The following IPO11 variants were observed in gnomAD, a reference collection of about 807,000 sequenced individuals.
The protein encoded by IPO11 is importin-11.
IPO11 carries 66 observed loss-of-function variants against 143.2 expected under a neutral mutation model. The observed-to-expected ratio is 0.46, with a 90% CI of 0.38 to 0.57. The LOEUF (loss-of-function observed/expected upper bound fraction) is 0.57, where lower values mean the gene tolerates loss of function less well. Among genes scored for constraint, IPO11 ranks in the 20% least tolerant of loss-of-function variants. The probability of loss-of-function intolerance (pLI) is 0.00; values close to 1 mark genes in which losing one functional copy is unlikely to be tolerated. For synonymous variants in IPO11, 385 were observed against 377.8 expected (o/e 1.02, Z -0.22); for missense variants, 1,026 against 1,141.0 (o/e 0.90, Z 1.45).
intron 5 of IPO11, among the ~76,000 whole-genome samples, chr5:62,466,766 T>C (rs1745589069): frequency 6.6e-6 from 1 of 152,214 alleles, no homozygotes; most frequent in Admixed American, 6.5e-5. Context: ...TCTGACATAC[T>C]CAGTGACAGT....
At chr5:62,446,871 A>T (rs1744736577) in intron 3 of IPO11, among the ~76,000 whole-genome samples, 1 of 151,976 alleles carries the variant, frequency 6.6e-6, no homozygotes, top group African/African-American at 2.4e-5. Context: ...GAACAGGCTG[A>T]GGCAGGAGAA....
intron 20 of IPO11, among the ~76,000 whole-genome samples, chr5:62,525,796 A>C (rs941498235): frequency 6.6e-6 from 1 of 152,212 alleles, no homozygotes; most frequent in African/African-American, 2.4e-5. Context: ...TTTAGGTGAA[A>C]GCATCTATAG....
chr5:62,426,347 A>G (rs1483252757), intron 1 of IPO11, among the ~76,000 whole-genome samples: 3 of 152,206 alleles, frequency 2.0e-5, no homozygotes, highest in African/African-American at 7.2e-5. Context: ...AGATTGTGCC[A>G]TAGTCTTCCA....
At chr5:62,519,161 G>A (rs1287588212) in intron 20 of IPO11, among the ~76,000 whole-genome samples, 2 of 152,202 alleles carry the variant, frequency 1.3e-5, no homozygotes, top group African/African-American at 4.8e-5. Flanking sequence ...TTAGCAATGA[G>A]AGTGGTAAAG....
chr5:62,624,366 C>A lies in IPO11; in HGVS notation c.2764-2788C>A, dbSNP rs377680305. Among the ~76,000 whole-genome samples the A allele has an allele frequency of 2.0e-4, 30 of 152,248 alleles. No homozygotes were observed. In the East Asian group the frequency reaches 5.0e-3, roughly 26 times the overall value. On this transcript the variant is annotated intron_variant, in intron 29 of 29. Transcript: ENST00000325324. Reference sequence around the variant, plus strand: ...CCCCTTTTTAGACTATATAGGGTAACTTCTGGATGTTACCCTATACGTTAC... The same window carrying A: ...CCCCTTTTTAGACTATATAGGGTAAATTCTGGATGTTACCCTATACGTTAC...
intron 1 of IPO11, among the ~76,000 whole-genome samples, chr5:62,414,244 G>A (rs1260637954): frequency 6.6e-6 from 1 of 152,190 alleles, no homozygotes; most frequent in Non-Finnish European, 1.5e-5. Context: ...AAACCAGAAT[G>A]CAGCATGATC....
At chr5:62,580,137 T>G (rs1281752870) in intron 27 of IPO11, 5 of 1,550,928 alleles carry the variant, frequency 3.2e-6, no homozygotes, top group African/African-American at 2.7e-5. Flanking sequence ...TTAGAAGACT[T>G]TCTTTGTCTC....
chr5:62,434,849 A>G (rs1044084909), intron 1 of IPO11, among the ~76,000 whole-genome samples: 21 of 151,072 alleles, frequency 1.4e-4, no homozygotes, highest in African/African-American at 4.9e-4. Flanking sequence ...ATATGGTGAA[A>G]CCCAGTCTCT....
At position 62,479,924 on chromosome 5, in the gene IPO11, A is replaced by G. The variant is rs140966912; in HGVS notation, c.828+3171A>G. Among the ~76,000 whole-genome samples, 702 of 152,220 alleles carry G rather than the reference A, an allele frequency of 4.6e-3. 7 individuals are homozygous for G. The highest frequency in any genetic ancestry group is 0.016 in the African/African-American group (678 of 41,538). ...TCTCATGGTAGTTTTCTTTTGCTGT[A>G]CAGAAGCTCTTTAGTTTAATTAGCT... On this transcript the variant is annotated intron_variant, in intron 9 of 29. Coordinates refer to ENST00000325324, the MANE Select transcript of IPO11 (RefSeq NM_016338.5).
chr5:62,549,405 A>G (rs976530085), intron 24 of IPO11, among the ~76,000 whole-genome samples: 7 of 152,176 alleles, frequency 4.6e-5, no homozygotes, highest in African/African-American at 1.4e-4. Flanking sequence ...TTTGGAGTAC[A>G]CTATTGGCAC....
intron 7 of IPO11, 101 bp from the exon 8 acceptor site, chr5:62,474,315 T>C: frequency 1.5e-6 from 1 of 687,342 alleles, no homozygotes; most frequent in Non-Finnish European, 2.3e-6. Context: ...GGCTAATTTT[T>C]TTAAGTGATG....
intron 29 of IPO11, among the ~76,000 whole-genome samples, chr5:62,622,853 G>A (rs1233531852): frequency 6.6e-6 from 1 of 152,232 alleles, no homozygotes; most frequent in Non-Finnish European, 1.5e-5. Flanking sequence ...AGATCCCAGT[G>A]TTTCTAGACA....
At chr5:62,504,585 T>A in intron 16 of IPO11, 82 bp from the exon 17 acceptor site, 1 of 780,542 alleles carries the variant, frequency 1.3e-6, no homozygotes, top group South Asian at 1.7e-5. Flanking sequence ...AGAAAGTGAT[T>A]TGGAATAAAA....
At chr5:62,515,982 G>A (rs1320754113) in intron 20 of IPO11, among the ~76,000 whole-genome samples, 1 of 152,166 alleles carries the variant, frequency 6.6e-6, no homozygotes, top group African/African-American at 2.4e-5. Context: ...AGGTAGAGAG[G>A]AACCTGAAAC....
chr5:62,481,668 GTATTT>G (rs1219130513), intron 9 of IPO11, among the ~76,000 whole-genome samples: 2 of 152,134 alleles, frequency 1.3e-5, no homozygotes, highest in Non-Finnish European at 2.9e-5. Context: ...TTGTTTGCCA[GTATTT>G]TATTGAGGAT....
rs748032586 is a variant in IPO11, at chr5:62,560,453, T to C, written c.2461-683T>C. On this transcript the variant is annotated intron_variant, in intron 26 of 29. Transcript: ENST00000325324. ...AATTGGATGAAGCCCACTCACATTA[T>C]CTAGGGCATTCTCCTTTATTTAGCG... 8.3e-4 allele frequency among the ~76,000 whole-genome samples: 127 copies of C among 152,226 alleles called. 3 individuals carry two copies. The highest frequency in any genetic ancestry group is 9.8e-4 in the Non-Finnish European group (67 of 68,038).
intron 1 of IPO11, among the ~76,000 whole-genome samples, chr5:62,436,706 T>C (rs1744254725): frequency 1.3e-5 from 2 of 152,198 alleles, no homozygotes. Flanking sequence ...TTGGCTTTTT[T>C]CCCCATAGCA....
intron 24 of IPO11, among the ~76,000 whole-genome samples, chr5:62,542,030 A>G (rs1156236789): frequency 6.6e-6 from 1 of 151,926 alleles, no homozygotes; most frequent in Non-Finnish European, 1.5e-5. Context: ...CTTCTGCACA[A>G]CATGACAAGA....
chr5:62,498,759 A>T (rs1580250676), intron 16 of IPO11, among the ~76,000 whole-genome samples: 1 of 152,310 alleles, frequency 6.6e-6, no homozygotes, highest in East Asian at 1.9e-4. Flanking sequence ...AGTCCCAGCT[A>T]CTCAGGAGGT....
Sources: allele counts gnomAD v4.1 joint callset (sites outside exome capture counted in the v4.1 genomes callset), GRCh38; gene constraint gnomAD v4.1.1; transcripts MANE v1.5; gene names NCBI Gene and HGNC (gene_info 2026-07-23, HGNC 2026-07-21).